Variants in ZNF678 observed in about 807,000 individuals in gnomAD.
ZNF678 encodes zinc finger protein 678.
ZNF678 carries 5 observed loss-of-function variants against 3.0 expected under a neutral mutation model. That is an observed-to-expected ratio of 1.69 (90% CI 0.88 to 3.56). The LOEUF is 3.56. ZNF678 is among the 30% of genes most tolerant of loss of function. ZNF678 has a pLI of 0.00. For missense variants in ZNF678, 593 were observed against 605.0 expected (o/e 0.98, Z 0.21); for synonymous variants, 218 against 199.6 (o/e 1.09, Z -0.78).
At chr1:227,594,420 T>G (rs1268487065) in intron 1 of ZNF678, among the ~76,000 whole-genome samples, 3 of 152,236 alleles carry the variant, frequency 2.0e-5, no homozygotes, top group Non-Finnish European at 2.9e-5. Context: ...AAGAGCAGGT[T>G]GGTGCTTTAA....
intron 1 of ZNF678, among the ~76,000 whole-genome samples, chr1:227,640,501 G>A (rs1280875042): frequency 6.6e-6 from 1 of 151,996 alleles, no homozygotes. Flanking sequence ...AGAAGGATTT[G>A]AACAGGTGAG....
rs186953367 is a variant in ZNF678 at position 227,661,116 on chromosome 1, T to G, written c.*5288T>G. ...GAGTTTCTGACTCCCCAAATGAAAT[T>G]GAGGCCCAGAAACTTTCAACTGCTT... is the stretch of plus-strand genomic sequence containing the variant. On this transcript the variant is annotated 3_prime_UTR_variant, in exon 4 of 4. Coordinates refer to ENST00000343776, the MANE Select transcript of ZNF678 (RefSeq NM_001367909.1). The G allele has an allele frequency of 1.3e-5, 2 of 152,296 alleles. No individual in the cohort carries two copies. The highest frequency in any genetic ancestry group is 1.3e-4 in the Admixed American group (2 of 15,300). The allele number at this position is 152,296 out of a possible 1,614,324, so 9.4% of individuals were successfully genotyped here.
chr1:227,581,611 A>G lies in ZNF678; in HGVS notation c.-164+17887A>G, dbSNP rs569913013. On this transcript the variant is annotated intron_variant, in intron 1 of 3. Transcript: ENST00000343776. ...TTCTTTTTCATCCATAATCTAATCT[A>G]TCTATACTTATTGCTGTATTGTATT... Among the ~76,000 whole-genome samples the G allele has an allele frequency of 1.4e-4, 21 of 152,280 alleles. 1 individual carries two copies. The highest frequency in any genetic ancestry group is 4.6e-4 in the African/African-American group (19 of 41,562).
chr1:227,668,429 A>G (rs554594603), intron 5 of ZNF678, among the ~76,000 whole-genome samples: 3 of 152,242 alleles, frequency 2.0e-5, no homozygotes, highest in Non-Finnish European at 4.4e-5. Flanking sequence ...GCAGATTCTC[A>G]GTAAAATTTA....
intron 1 of ZNF678, among the ~76,000 whole-genome samples, chr1:227,597,113 A>G (rs1290172074): frequency 6.6e-6 from 1 of 152,242 alleles, no homozygotes; most frequent in Non-Finnish European, 1.5e-5. Flanking sequence ...GGTGTCAGTG[A>G]TAAGCTTTGT....
intron 1 of ZNF678, among the ~76,000 whole-genome samples, chr1:227,581,452 A>G (rs1038615115): frequency 1.3e-5 from 2 of 152,210 alleles, no homozygotes; most frequent in African/African-American, 4.8e-5. Context: ...GTTTCTGCCT[A>G]TCCACCAAGT....
intron 1 of ZNF678, among the ~76,000 whole-genome samples, chr1:227,627,898 C>T (rs562905586): frequency 3.3e-4 from 50 of 152,324 alleles, no homozygotes; most frequent in African/African-American, 9.9e-4. Flanking sequence ...AAGGTCCCCT[C>T]GAGCGGTGTA....
At position 227,669,070 on chromosome 1, in the gene ZNF678, T is replaced by C. The variant is rs534156369; in HGVS notation, c.227-8109T>C. 1.1e-4 allele frequency among the ~76,000 whole-genome samples: 16 copies of C among 151,744 alleles called. No homozygotes were observed. The South Asian group carries it at 3.3e-3, about 32-fold the overall frequency. ...CCACAAGTTAACAAATGGGACCTAA[T>C]TAAACTAAAGATTTTCTGCAAAGTG... is the stretch of plus-strand genomic sequence containing the variant. On this transcript the variant is annotated intron_variant, in intron 5 of 5. Transcript: ENST00000608949.
intron 1 of ZNF678, among the ~76,000 whole-genome samples, chr1:227,637,344 A>G (rs1658704866): frequency 2.0e-5 from 3 of 152,310 alleles, no homozygotes; most frequent in Admixed American, 2.0e-4. Flanking sequence ...GACTTAGTAC[A>G]TTGCGGTGAG....
chr1:227,571,610 A>G (rs542030771), intron 1 of ZNF678, among the ~76,000 whole-genome samples: 4 of 152,372 alleles, frequency 2.6e-5, no homozygotes, highest in East Asian at 1.9e-4. Flanking sequence ...CTAATGTTAC[A>G]TGATAAAGCC....
intron 1 of ZNF678, among the ~76,000 whole-genome samples, chr1:227,579,391 C>G (rs1285786714): frequency 6.6e-6 from 1 of 152,044 alleles, no homozygotes; most frequent in Non-Finnish European, 1.5e-5. Context: ...CCACTGTTCT[C>G]TGTGCAGTGT....
rs913685292 is a variant in ZNF678, at chr1:227,658,041, T to TATTG, written c.*2216_*2219dup. ...TTCTAAGAATAACTTTCATAAAATGTATTGATGTTCACAAGATAATTTTAA... is the reference window on the plus strand; with the variant it reads ...TTCTAAGAATAACTTTCATAAAATGTATTGATTGATGTTCACAAGATAATTTTAA... On this transcript the variant is annotated 3_prime_UTR_variant, in exon 4 of 4. Coordinates refer to ENST00000343776, the MANE Select transcript of ZNF678 (RefSeq NM_001367909.1). 1.3e-5 allele frequency: 2 copies of TATTG among 152,034 alleles called. No homozygotes were observed. The highest frequency in any genetic ancestry group is 4.8e-5 in the African/African-American group (2 of 41,436). 9.4% of individuals were successfully genotyped at this position (152,034 alleles called of 1,614,324 possible).
chr1:227,608,130 G>T (rs1173535644), intron 1 of ZNF678, among the ~76,000 whole-genome samples: 1 of 151,954 alleles, frequency 6.6e-6, no homozygotes, highest in Non-Finnish European at 1.5e-5. Context: ...ACTCCTACAG[G>T]TTGCATTTTC....
At chr1:227,676,000 C>G (rs1659671424) in intron 5 of ZNF678, among the ~76,000 whole-genome samples, 1 of 152,106 alleles carries the variant, frequency 6.6e-6, no homozygotes, top group Non-Finnish European at 1.5e-5. Context: ...CACTATAATG[C>G]TGAGATCCTA....
At chr1:227,585,806 A>G (rs936332828) in intron 1 of ZNF678, among the ~76,000 whole-genome samples, 2 of 152,090 alleles carry the variant, frequency 1.3e-5, no homozygotes, top group Admixed American at 6.6e-5. Context: ...TGTATTCTCT[A>G]GACGTTTAAA....
At chr1:227,679,587 G>A (rs1346258300), downstream of ZNF678, among the ~76,000 whole-genome samples, 1 of 151,316 alleles carries the variant, frequency 6.6e-6, no homozygotes, top group Non-Finnish European at 1.5e-5. Flanking sequence ...AAAAGGGACA[G>A]GAATTGCTCA....
intron 1 of ZNF678, among the ~76,000 whole-genome samples, chr1:227,581,149 T>C (rs1244837270): frequency 6.6e-6 from 1 of 151,964 alleles, no homozygotes; most frequent in Admixed American, 6.6e-5. Flanking sequence ...AAAATCCTTA[T>C]ATTTATTTAT....
At chr1:227,652,655 A>AT (rs1291370126) in intron 3 of ZNF678, among the ~76,000 whole-genome samples, 2 of 151,946 alleles carry the variant, frequency 1.3e-5, no homozygotes, top group Non-Finnish European at 2.9e-5. Context: ...GCATACAGAA[A>AT]TTTTTTTCAT....
chr1:227,677,175 T>G (rs1659700731), intron 5 of ZNF678: 1 of 152,182 alleles, frequency 6.6e-6, no homozygotes, highest in Non-Finnish European at 1.5e-5. Context: ...CTGTCATCTC[T>G]TAGGTTAAAA....
Sources: gnomAD v4.1 joint callset for allele counts (sites outside exome capture counted in the v4.1 genomes callset) on GRCh38, gnomAD v4.1.1 for gene constraint, MANE v1.5 for transcripts, NCBI Gene and HGNC (gene_info 2026-07-23, HGNC 2026-07-21) for gene names.